The following DTNB variants were observed in gnomAD, a reference collection of about 807,000 sequenced individuals.
DTNB encodes dystrobrevin beta, also known as DTN-B.
A neutral mutation model predicts 90.7 loss-of-function variants in DTNB; 63 were observed. The ratio of observed to expected loss-of-function variants is 0.69; its 90% CI spans 0.57 to 0.86. The LOEUF is 0.86. Ranked by LOEUF, DTNB falls within the 40% of genes least tolerant of loss-of-function variation. DTNB has a pLI of 0.00. For synonymous variants in DTNB, 277 were observed against 286.7 expected (o/e 0.97, Z 0.34); for missense variants, 744 against 807.1 (o/e 0.92, Z 0.95).
chr2:25,575,944 A>G (rs1462869134), intron 8 of DTNB, among the ~76,000 whole-genome samples: 4 of 152,250 alleles, frequency 2.6e-5, no homozygotes, highest in African/African-American at 9.6e-5. Flanking sequence ...ATAATTTATA[A>G]GAACCACAGA....
intron 9 of DTNB, among the ~76,000 whole-genome samples, chr2:25,489,240 G>A (rs1045803816): frequency 3.3e-5 from 5 of 152,270 alleles, no homozygotes; most frequent in African/African-American, 1.2e-4. Context: ...TGTAGGAATA[G>A]ATAAATAACT....
chr2:25,387,184 G>T lies in DTNB; in HGVS notation c.1825+105C>A. ...GCAAAGTTAGGTGATGAAATGGGGT[G>T]GTGCAAGCTGGGTGGTGAGGTTCTG... On this transcript the variant is annotated intron_variant, in intron 18 of 20. Coordinates refer to ENST00000406818, the MANE Select transcript of DTNB (RefSeq NM_021907.5). The surrounding 1 kb of genome is among the most constrained non-coding windows in gnomAD (Gnocchi z 4.5). The T allele has an allele frequency of 9.9e-7, 1 of 1,013,644 alleles. No individual in the cohort carries two copies. Among genetic ancestry groups the T allele is most frequent in the Non-Finnish European group, 1.5e-6 (1 of 683,510 alleles). The allele number at this position is 1,013,644 out of a possible 1,614,324, so 62.8% of individuals were successfully genotyped here.
intron 8 of DTNB, among the ~76,000 whole-genome samples, chr2:25,544,757 C>A (rs1239675534): frequency 6.6e-6 from 1 of 152,242 alleles, no homozygotes; most frequent in Admixed American, 6.5e-5. Context: ...TTCAGCTGCA[C>A]CTTATTATAA....
At chr2:25,447,931 T>C (rs2058676609) in intron 12 of DTNB, among the ~76,000 whole-genome samples, 1 of 152,208 alleles carries the variant, frequency 6.6e-6, no homozygotes, top group South Asian at 2.1e-4. Context: ...CACAAATTCC[T>C]GACAATTGAC....
At chr2:25,628,120 A>C in intron 4 of DTNB, 51 bp downstream of exon 4, 1 of 1,566,454 alleles carries the variant, frequency 6.4e-7, no homozygotes, top group Non-Finnish European at 8.8e-7. Context: ...AATGATTCAG[A>C]GACAGGTGTT....
chr2:25,432,376 T>C (rs1423414574), intron 14 of DTNB, among the ~76,000 whole-genome samples: 2 of 152,168 alleles, frequency 1.3e-5, no homozygotes, highest in African/African-American at 4.8e-5. Flanking sequence ...TCTCATCCTA[T>C]GTCCTTAGTT....
At chr2:25,594,419 T>C (rs1050633769) in intron 6 of DTNB, among the ~76,000 whole-genome samples, 5 of 152,228 alleles carry the variant, frequency 3.3e-5, no homozygotes, top group Non-Finnish European at 5.9e-5. Flanking sequence ...AATTCTCCAT[T>C]ATCATGGGTA....
rs1415015108 is a variant in DTNB, at chr2:25,408,878, T to C, written c.1575+10637A>G. 4.6e-5 allele frequency among the ~76,000 whole-genome samples: 7 copies of C among 152,226 alleles called. 1 individual carries two copies. The highest frequency in any genetic ancestry group is 2.0e-4 in the Admixed American group (3 of 15,268). Reference sequence around the variant, plus strand: ...TACCCTAGAGACTGGTACAGCTTCATGATTTGACGAAATGCCTCCAGATGC... The same window carrying C: ...TACCCTAGAGACTGGTACAGCTTCACGATTTGACGAAATGCCTCCAGATGC... On this transcript the variant is annotated intron_variant, in intron 16 of 20. Transcript: ENST00000406818.
intron 2 of DTNB, among the ~76,000 whole-genome samples, chr2:25,640,864 G>A (rs1270124076): frequency 6.6e-6 from 1 of 152,058 alleles, no homozygotes; most frequent in Non-Finnish European, 1.5e-5. Flanking sequence ...AAATTAGCCG[G>A]GTGAGGTGGT....
At chr2:25,594,317 T>C (rs1011943270) in intron 6 of DTNB, among the ~76,000 whole-genome samples, 7 of 152,192 alleles carry the variant, frequency 4.6e-5, no homozygotes, top group African/African-American at 1.7e-4. Context: ...AAAGAAAAAA[T>C]AAATAGTGCA....
chr2:25,656,420 T>C (rs1308833627), intron 1 of DTNB, among the ~76,000 whole-genome samples: 1 of 152,240 alleles, frequency 6.6e-6, no homozygotes, highest in Non-Finnish European at 1.5e-5. Context: ...TGATATAATC[T>C]TGAAGACCAA....
chr2:25,628,405 A>G (rs866822355), intron 3 of DTNB, 21 bp from the exon 4 acceptor site: 3 of 1,601,554 alleles, frequency 1.9e-6, no homozygotes, highest in Middle Eastern at 1.7e-4. Context: ...AAGAAAATAA[A>G]CTGTCAACAA....
At chr2:25,524,587 G>A (rs2076749747) in intron 9 of DTNB, among the ~76,000 whole-genome samples, 1 of 152,044 alleles carries the variant, frequency 6.6e-6, no homozygotes, top group African/African-American at 2.4e-5. Flanking sequence ...TCCTCCCTAG[G>A]TACACAGAAG....
At chr2:25,582,511 T>C (rs535565151) in intron 6 of DTNB, among the ~76,000 whole-genome samples, 1 of 152,268 alleles carries the variant, frequency 6.6e-6, no homozygotes, top group African/African-American at 2.4e-5. Context: ...AATAAAAATC[T>C]GGAAAAGATG....
chr2:25,520,958 G>A (rs141656009), intron 9 of DTNB, among the ~76,000 whole-genome samples: 1 of 152,270 alleles, frequency 6.6e-6, no homozygotes, highest in East Asian at 1.9e-4. Flanking sequence ...GCAATGTGCG[G>A]AGAAAATTGG....
intron 10 of DTNB, among the ~76,000 whole-genome samples, chr2:25,462,397 G>A (rs1024278207): frequency 2.6e-5 from 4 of 152,018 alleles, no homozygotes; most frequent in South Asian, 2.1e-4. Context: ...GGGTGTAGAG[G>A]AGCAGCCTGG....
At chr2:25,386,672 G>A (rs1005552575) in intron 18 of DTNB, among the ~76,000 whole-genome samples, 1 of 152,182 alleles carries the variant, frequency 6.6e-6, no homozygotes, top group African/African-American at 2.4e-5. Flanking sequence ...ATGCCACGAG[G>A]TAAAGGTCTT....
intron 6 of DTNB, among the ~76,000 whole-genome samples, chr2:25,592,574 CAA>C (rs573694053): frequency 7.4e-6 from 1 of 135,436 alleles, no homozygotes; most frequent in Non-Finnish European, 1.6e-5. Flanking sequence ...GTTTCCCAGG[CAA>C]AAAAAAAAAT....
intron 9 of DTNB, among the ~76,000 whole-genome samples, chr2:25,523,955 G>T (rs2076626138): frequency 6.8e-6 from 1 of 147,006 alleles, no homozygotes; most frequent in Non-Finnish European, 1.5e-5. Flanking sequence ...AAGCTGGAGT[G>T]CAATGGCGTG....
Sources: gnomAD v4.1 joint callset for allele counts (sites outside exome capture counted in the v4.1 genomes callset) on GRCh38, gnomAD v4.1.1 for gene constraint, Gnocchi (gnomAD v3.1) non-coding constraint, MANE v1.5 for transcripts, NCBI Gene and HGNC (gene_info 2026-07-23, HGNC 2026-07-21) for gene names.